The following KLHL32 variants were observed in gnomAD, a reference collection of about 807,000 sequenced individuals.
KLHL32 encodes the protein kelch like family member 32.
In KLHL32, 35 loss-of-function variants were observed where a neutral mutation model predicts 64.8. The observed-to-expected ratio is 0.54, with a 90% confidence interval of 0.41 to 0.72. The LOEUF is 0.72. Among genes scored for constraint, KLHL32 ranks in the 30% least tolerant of loss-of-function variants. The pLI is 0.00. For missense variants in KLHL32, 589 were observed against 768.5 expected (o/e 0.77, Z 2.76); for synonymous variants, 259 against 281.0 (o/e 0.92, Z 0.78).
At chr6:96,956,080 C>T (rs1773224131) in intron 1 of KLHL32, among the ~76,000 whole-genome samples, 1 of 152,174 alleles carries the variant, frequency 6.6e-6, no homozygotes, top group Non-Finnish European at 1.5e-5. Context: ...CATATGGTGG[C>T]AGACAAGCAA....
intron 3 of KLHL32, among the ~76,000 whole-genome samples, chr6:96,990,649 G>C (rs1156497926): frequency 6.6e-6 from 1 of 152,060 alleles, no homozygotes; most frequent in Non-Finnish European, 1.5e-5. Context: ...CTGTAGCAGA[G>C]AGCCATTCAC....
At chr6:96,955,843 A>G (rs1773195293) in intron 1 of KLHL32, among the ~76,000 whole-genome samples, 1 of 152,188 alleles carries the variant, frequency 6.6e-6, no homozygotes, top group Non-Finnish European at 1.5e-5. Context: ...AGGCTGAGGC[A>G]GGAGAATTGC....
intron 1 of KLHL32, among the ~76,000 whole-genome samples, chr6:96,954,333 T>G (rs1388521737): frequency 7.6e-6 from 1 of 131,080 alleles, no homozygotes; most frequent in African/African-American, 2.9e-5. Flanking sequence ...TTTTTTTTTT[T>G]GCTTAGATAA....
At chr6:97,118,393 C>A (rs898756793) in intron 7 of KLHL32, among the ~76,000 whole-genome samples, 1 of 151,968 alleles carries the variant, frequency 6.6e-6, no homozygotes, top group African/African-American at 2.4e-5. Context: ...CCGAGGCGGG[C>A]GGATCGCCTG....
Position 96,988,213 on chromosome 6 carries a change from G to A in KLHL32, c.204+12036G>A, listed in dbSNP as rs187240584. Reference sequence around the variant, plus strand: ...TTGTGCAATCTACTCATCTGATAAAGGGCTAATATCCAGAATCTACAATGA... The same window carrying A: ...TTGTGCAATCTACTCATCTGATAAAAGGCTAATATCCAGAATCTACAATGA... On this transcript the variant is annotated intron_variant, in intron 3 of 10. Coordinates refer to ENST00000369261, the MANE Select transcript of KLHL32 (RefSeq NM_052904.4). Among the ~76,000 whole-genome samples, 255 of 152,272 alleles carry A rather than the reference G, an allele frequency of 1.7e-3. 4 individuals are homozygous for A. Among genetic ancestry groups the A allele is most frequent in the African/African-American group, 6.0e-3 (248 of 41,536 alleles).
At chr6:97,111,042 G>T (rs566514611) in intron 6 of KLHL32, among the ~76,000 whole-genome samples, 1 of 151,566 alleles carries the variant, frequency 6.6e-6, no homozygotes, top group African/African-American at 2.4e-5. Flanking sequence ...GGGGGGGGGG[G>T]TCTTAGCCAA....
At chr6:97,052,700 G>A (rs540967101) in intron 4 of KLHL32, among the ~76,000 whole-genome samples, 6 of 152,106 alleles carry the variant, frequency 3.9e-5, no homozygotes, top group African/African-American at 7.2e-5. Flanking sequence ...GCAAATTTCC[G>A]AATTTCCCTG....
chr6:96,966,041 A>G lies in KLHL32; in HGVS notation c.-65-955A>G, dbSNP rs569703232. Among the ~76,000 whole-genome samples the G allele has an allele frequency of 6.6e-5, 10 of 152,370 alleles. No individual in the cohort carries two copies. The East Asian group carries it at 1.7e-3, about 26-fold the overall frequency. On this transcript the variant is annotated intron_variant, in intron 1 of 10. Coordinates refer to ENST00000369261, the MANE Select transcript of KLHL32 (RefSeq NM_052904.4). ...ATATAACAAATATTATATTTCACTC[A>G]GATTGTAAATCATAGCTCTCTCTTT...
intron 3 of KLHL32, among the ~76,000 whole-genome samples, chr6:96,988,200 C>G (rs1441615808): frequency 6.6e-6 from 1 of 152,184 alleles, no homozygotes; most frequent in African/African-American, 2.4e-5. Context: ...GTGCAATCTA[C>G]TCATCTGATA....
intron 3 of KLHL32, among the ~76,000 whole-genome samples, chr6:97,020,716 A>G (rs1781871639): frequency 6.6e-6 from 1 of 150,972 alleles, no homozygotes; most frequent in Non-Finnish European, 1.5e-5. Context: ...ATTTTCCTCA[A>G]CGCATCAGCA....
chr6:96,931,784 A>T (rs938982175), intron 1 of KLHL32, among the ~76,000 whole-genome samples: 4 of 152,206 alleles, frequency 2.6e-5, no homozygotes, highest in African/African-American at 9.6e-5. Context: ...TGAGATGTAG[A>T]TTCTCAGCTG....
chr6:97,108,662 A>T (rs1796723065), intron 6 of KLHL32, among the ~76,000 whole-genome samples: 1 of 152,266 alleles, frequency 6.6e-6, no homozygotes, highest in Non-Finnish European at 1.5e-5. Flanking sequence ...TTATGAACGT[A>T]AAAACAGAGC....
At chr6:96,924,396 A>G (rs1347207715), upstream of KLHL32, among the ~76,000 whole-genome samples, 1 of 143,630 alleles carries the variant, frequency 7.0e-6, no homozygotes, top group African/African-American at 2.6e-5. Context: ...GGTGCCGGAG[A>G]GCGAGGAGGA....
chr6:96,995,853 C>G (rs1420088376), intron 3 of KLHL32, among the ~76,000 whole-genome samples: 3 of 152,198 alleles, frequency 2.0e-5, no homozygotes, highest in African/African-American at 7.2e-5. Context: ...TTGTCACCTT[C>G]CAGGAATTAA....
chr6:97,089,741 C>T (rs1365646193), intron 6 of KLHL32, among the ~76,000 whole-genome samples: 2 of 148,388 alleles, frequency 1.3e-5, no homozygotes, highest in African/African-American at 2.5e-5. Flanking sequence ...GATTGCGCCA[C>T]TACACTCCAG....
At chr6:96,947,534 C>T (rs1772068523) in intron 1 of KLHL32, among the ~76,000 whole-genome samples, 2 of 152,280 alleles carry the variant, frequency 1.3e-5, no homozygotes, top group African/African-American at 2.4e-5. Context: ...CAATGTCTTA[C>T]AAGCATCTTT....
At chr6:96,904,171 G>A in the KLHL32 span, among the ~76,000 whole-genome samples, 51 of 151,596 alleles carry the variant, frequency 3.4e-4, no homozygotes, top group African/African-American at 1.1e-3. Flanking sequence ...CTAAAACCCC[G>A]TCTCTACTAT....
At chr6:96,983,927 G>A (rs1260584905) in intron 3 of KLHL32, among the ~76,000 whole-genome samples, 2 of 152,166 alleles carry the variant, frequency 1.3e-5, no homozygotes, top group East Asian at 1.9e-4. Context: ...GCTAGCTTTT[G>A]AATGTGTTTG....
chr6:96,917,014 C>T, the KLHL32 span, among the ~76,000 whole-genome samples: 2 of 152,210 alleles, frequency 1.3e-5, no homozygotes, highest in Admixed American at 1.3e-4. Context: ...AAAAACATAA[C>T]AACAACCTTA....
Sources: gnomAD v4.1 joint callset for allele counts (sites outside exome capture counted in the v4.1 genomes callset) on GRCh38, gnomAD v4.1.1 for gene constraint, MANE v1.5 for transcripts, NCBI Gene and HGNC (gene_info 2026-07-23, HGNC 2026-07-21) for gene names.